The following CFAP46 variants were observed in gnomAD, a reference collection of about 807,000 sequenced individuals.
CFAP46 encodes cilia- and flagella-associated protein 46.
A neutral mutation model predicts 325.7 loss-of-function variants in CFAP46; 245 were observed. That is an observed-to-expected ratio of 0.75 (90% confidence interval 0.68 to 0.84). CFAP46 has a LOEUF of 0.84. CFAP46 is among the 40% of genes least tolerant of loss of function. The pLI, the probability that CFAP46 is intolerant of heterozygous loss-of-function variation, is 0.00. For missense variants in CFAP46, 3,346 were observed against 3,543.0 expected, an observed-to-expected ratio of 0.94 and a Z score of 1.41; for synonymous variants, 1,523 against 1,495.9, an observed-to-expected ratio of 1.02 and a Z score of -0.42.
In CFAP46 at chr10:132,898,726, G is replaced by A. The variant is rs140331562; in HGVS notation, c.3219+233C>T. The A allele has an allele frequency of 6.1e-3, 3,872 of 632,722 alleles. 11 individuals are homozygous for A. Among genetic ancestry groups the A allele is most frequent in the Middle Eastern group, 9.3e-3 (37 of 3,998 alleles). The allele number at this position is 632,722 out of a possible 1,614,324, so 39.2% of individuals were successfully genotyped here. On this transcript the variant is annotated intron_variant, in intron 24 of 57. Coordinates refer to ENST00000368586, the MANE Select transcript of CFAP46 (RefSeq NM_001200049.3). ...GTGTCTCCAGGGCTGAGAGCCCCTC[G>A]GTGCATGTGTGTTGCTGGGAGAGGT...
intron 32 of CFAP46, chr10:132,872,433 A>T (rs969823625): frequency 1.9e-4 from 90 of 468,072 alleles, no homozygotes; most frequent in Non-Finnish European, 2.3e-5. Context: ...TATTTTTTAA[A>T]TTTTTTGTAG....
At position 132,878,033 on chromosome 10, in the gene CFAP46, T is replaced by C; in HGVS notation, c.4060A>G (p.Thr1354Ala). 1 of 1,550,770 alleles carries C rather than the reference T, an allele frequency of 6.4e-7. No individual in the cohort carries two copies. The highest frequency in any genetic ancestry group is 8.7e-7 in the Non-Finnish European group (1 of 1,147,038). The change falls in exon 30 of 58, where the codon ACC (threonine) becomes GCC (alanine). Residue 1354 changes from threonine (T) to alanine (A), a missense_variant. By Grantham distance (58) the Thr-to-Ala change is moderately conservative. Coordinates refer to ENST00000368586, the MANE Select transcript of CFAP46 (RefSeq NM_001200049.3). ...SVLENRPLAA[T>A]SSHLLLPKKE... Reference sequence around the variant, plus strand: ...TTAGGCAATAACAGATGTGAGCTGGTTGCTGCCAGGGGTCTGTTTTCCAGA... The same window carrying C: ...TTAGGCAATAACAGATGTGAGCTGGCTGCTGCCAGGGGTCTGTTTTCCAGA...
Position 132,909,193 on chromosome 10 carries a change from T to C in CFAP46, c.2701A>G (p.Met901Val), listed in dbSNP as rs1849503797. The change falls in exon 21 of 58, where the codon ATG (methionine) becomes GTG (valine). Residue 901 changes from methionine to valine, a missense_variant. Transcript: ENST00000368586. Reference protein sequence around the residue: ...SVTRVLVALEMYSCNGLGLMD... With the variant: ...SVTRVLVALEVYSCNGLGLMD... The stretch of plus-strand genomic sequence containing the variant: ...AGGCCCAGCCCGTTGCATGAGTACA[T>C]TTCCAAGGCAACGAGGACTCTGGTC... 6.5e-7 allele frequency: 1 copy of C among 1,550,278 alleles called. No homozygotes were observed. The highest frequency in any genetic ancestry group is 8.7e-7 in the Non-Finnish European group (1 of 1,146,908).
intron 54 of CFAP46, among the ~76,000 whole-genome samples, chr10:132,813,932 C>A (rs553963653): frequency 2.0e-5 from 3 of 152,334 alleles, no homozygotes; most frequent in Admixed American, 2.0e-4. Flanking sequence ...CTATCAGTGA[C>A]CCTGGGGGCC....
rs1417653392 is a variant in CFAP46, at chr10:132,813,686, C to T, written c.7388+466G>A. On this transcript the variant is annotated intron_variant, in intron 54 of 57. Transcript: ENST00000368586. ...CTGCACACACCTGCCCCTGCAGCCC[C>T]GCCCCTGCACACACCTGCCCCTGCA... Among the ~76,000 whole-genome samples the T allele has an allele frequency of 1.1e-4, 15 of 132,378 alleles. 1 individual carries two copies. Among genetic ancestry groups the T allele is most frequent in the Non-Finnish European group, 1.6e-4 (10 of 60,926 alleles). The allele number at this position is 132,378 out of a possible 152,430, so 86.8% of individuals were successfully genotyped here. A position where few individuals can be genotyped will look rare whatever the true frequency, so the allele number is the denominator to read the frequency against.
intron 39 of CFAP46, 109 bp from the exon 40 acceptor site, chr10:132,851,414 T>C (rs1848542860): frequency 9.8e-7 from 1 of 1,018,632 alleles, no homozygotes; most frequent in Non-Finnish European, 1.4e-6. Context: ...CATAACAAAC[T>C]GCGCAGATCT....
chr10:132,836,969 T>C lies in CFAP46; in HGVS notation c.6439-55A>G, dbSNP rs1848261142. On this transcript the variant is annotated intron_variant, in intron 44 of 57. Transcript: ENST00000368586. ...TGCATTTAGGACGCAAGGACGTCGCTGTGCTGTTCCCCTCATTTCCAGGAG... is the reference window on the plus strand; with the variant it reads ...TGCATTTAGGACGCAAGGACGTCGCCGTGCTGTTCCCCTCATTTCCAGGAG... The C allele has an allele frequency of 2.0e-5, 26 of 1,325,094 alleles. No individual in the cohort carries two copies. The South Asian group carries it at 2.6e-4, about 13-fold the overall frequency. The allele number at this position is 1,325,094 out of a possible 1,614,324, so 82.1% of individuals were successfully genotyped here.
chr10:132,837,019 G>A, intron 44 of CFAP46, 105 bp from the exon 45 acceptor site: 1 of 885,326 alleles, frequency 1.1e-6, no homozygotes, highest in South Asian at 1.4e-5. Flanking sequence ...CCACGGCGGG[G>A]GCTTTGTACC....
intron 50 of CFAP46, among the ~76,000 whole-genome samples, chr10:132,821,939 C>A (rs565365146): frequency 1.8e-5 from 2 of 112,634 alleles, no homozygotes; most frequent in Admixed American, 1.8e-4. Context: ...CTGATGTGTG[C>A]TGTGTGTGCG....
chr10:132,942,549 G>A lies in CFAP46; in HGVS notation c.-65C>T, dbSNP rs973984615. On this transcript the variant is annotated 5_prime_UTR_variant, in exon 1 of 58. Coordinates refer to ENST00000368586, the MANE Select transcript of CFAP46 (RefSeq NM_001200049.3). The stretch of plus-strand genomic sequence containing the variant: ...CGGTGCGTCCTGCCGCCCACTGTCG[G>A]TTGGGTTCTCCAGCCGCGAGGACCC... 5.8e-5 allele frequency: 71 copies of A among 1,224,090 alleles called. No individual in the cohort carries two copies. The highest frequency in any genetic ancestry group is 6.9e-5 in the Non-Finnish European group (67 of 975,880). 75.8% of individuals were successfully genotyped at this position (1,224,090 alleles called of 1,614,324 possible).
chr10:132,886,001 C>T lies in CFAP46; in HGVS notation c.3305-42G>A. On this transcript the variant is annotated intron_variant, in intron 25 of 57. Coordinates refer to ENST00000368586, the MANE Select transcript of CFAP46 (RefSeq NM_001200049.3). This position sits in a 1 kb window ranked among gnomAD's most constrained non-coding sequence, Gnocchi z 5.8. Reference sequence around the variant, plus strand: ...GGGGTGTCCTTGGAGCCGCCTGATCCCTCATCAAAGGCGCCCTCGGACCTC... The same window carrying T: ...GGGGTGTCCTTGGAGCCGCCTGATCTCTCATCAAAGGCGCCCTCGGACCTC... 7 of 1,542,206 alleles carry T rather than the reference C, an allele frequency of 4.5e-6. No homozygotes were observed. Among genetic ancestry groups the T allele is most frequent in the Non-Finnish European group, 6.1e-6 (7 of 1,140,938 alleles).
intron 44 of CFAP46, among the ~76,000 whole-genome samples, chr10:132,839,404 G>A (rs1848315952): frequency 6.6e-6 from 1 of 152,228 alleles, no homozygotes; most frequent in Admixed American, 6.5e-5. Flanking sequence ...GAGCCTTCGT[G>A]AACCCTCGGC....
At position 132,879,410 on chromosome 10, in the gene CFAP46, C is replaced by A; in HGVS notation, c.4005+16G>T. On this transcript the variant is annotated intron_variant, in intron 29 of 57. Coordinates refer to ENST00000368586, the MANE Select transcript of CFAP46 (RefSeq NM_001200049.3). Reference sequence around the variant, plus strand: ...GGAGGTGCTGCAGGAGCAGGGGAGTCTGCGCTGGGCCTCACCTGCCAGATG... The same window carrying A: ...GGAGGTGCTGCAGGAGCAGGGGAGTATGCGCTGGGCCTCACCTGCCAGATG... The A allele has an allele frequency of 6.8e-7, 1 of 1,480,636 alleles. No homozygotes were observed. The highest frequency in any genetic ancestry group is 9.0e-7 in the Non-Finnish European group (1 of 1,110,970). The allele number at this position is 1,480,636 out of a possible 1,614,324, so 91.7% of individuals were successfully genotyped here.
chr10:132,814,660 C>G, intron 52 of CFAP46, 26 bp downstream of exon 52: 1 of 1,579,648 alleles, frequency 6.3e-7, no homozygotes, highest in Non-Finnish European at 8.6e-7. Flanking sequence ...GGGTCTGGGG[C>G]CCCCCCGGGG....
rs1303487707 is a variant in CFAP46, at chr10:132,884,205, C to T, written c.3627+898G>A. ...CCGCGAACCCTAGCAGGGCAACTGCCGAGGAACGACGTGGCCTCTGGTTCC... is the reference window on the plus strand; with the variant it reads ...CCGCGAACCCTAGCAGGGCAACTGCTGAGGAACGACGTGGCCTCTGGTTCC... On this transcript the variant is annotated intron_variant, in intron 27 of 57. Coordinates refer to ENST00000368586, the MANE Select transcript of CFAP46 (RefSeq NM_001200049.3). The surrounding 1 kb of genome is among the most constrained non-coding windows in gnomAD (Gnocchi z 5.4). 6.6e-6 allele frequency among the ~76,000 whole-genome samples: 1 copy of T among 152,128 alleles called. No homozygotes were observed. Among genetic ancestry groups the T allele is most frequent in the Non-Finnish European group, 1.5e-5 (1 of 68,028 alleles).
Position 132,869,211 on chromosome 10 carries a change from T to TC in CFAP46, c.4610+62dup, listed in dbSNP as rs1254487985. 4.1e-5 allele frequency: 57 copies of TC among 1,381,030 alleles called. 1 individual carries two copies. In the African/African-American group the frequency reaches 7.2e-4, roughly 17 times the overall value. The allele number at this position is 1,381,030 out of a possible 1,614,324, so 85.5% of individuals were successfully genotyped here. A position where few individuals can be genotyped will look rare whatever the true frequency, so the allele number is the denominator to read the frequency against. On this transcript the variant is annotated intron_variant, in intron 33 of 57. Coordinates refer to ENST00000368586, the MANE Select transcript of CFAP46 (RefSeq NM_001200049.3). The surrounding 1 kb of genome is among the most constrained non-coding windows in gnomAD (Gnocchi z 6.2). ...AAGAGGGTGGCCGCGCAGCTGGCTT[T>TC]CACCTGGCCGCACCAAGGGCGAGAC...
chr10:132,815,684 G>T (rs1163844925), intron 50 of CFAP46, among the ~76,000 whole-genome samples: 2 of 152,218 alleles, frequency 1.3e-5, no homozygotes. Context: ...GTTTTGGGAG[G>T]CCGAGGAGGG....
intron 4 of CFAP46, among the ~76,000 whole-genome samples, chr10:132,940,332 G>T (rs965819897): frequency 3.9e-5 from 6 of 152,062 alleles, no homozygotes; most frequent in Non-Finnish European, 7.4e-5. Context: ...TGTCAAGCTT[G>T]CACAAAACTG....
rs554768950 is a variant in CFAP46, at chr10:132,808,698, G to A, written c.7871C>T (p.Pro2624Leu). Residue 2624 changes from proline (P) to leucine (L), a missense_variant, in exon 58 of 58, where the codon CCG (proline) becomes CTG (leucine). Coordinates refer to ENST00000368586, the MANE Select transcript of CFAP46 (RefSeq NM_001200049.3). The surrounding 1 kb of genome is among the most constrained non-coding windows in gnomAD (Gnocchi z 6.8). ...GAGCTGGGAGCTGGGGATGGGAGCCGGGAGGTGGGGATGGGTTGGCAGAGG... is the reference window on the plus strand; with the variant it reads ...GAGCTGGGAGCTGGGGATGGGAGCCAGGAGGTGGGGATGGGTTGGCAGAGG... Reference protein sequence around the residue: ...SAPLPTHPHLPAPIPSSQLAL... With the variant: ...SAPLPTHPHLLAPIPSSQLAL... 98 of 1,569,714 alleles carry A rather than the reference G, an allele frequency of 6.2e-5. 1 individual carries two copies. The East Asian group carries it at 1.1e-3, about 18-fold the overall frequency.
Sources: allele counts gnomAD v4.1 joint callset (sites outside exome capture counted in the v4.1 genomes callset), GRCh38; gene constraint gnomAD v4.1.1; non-coding constraint Gnocchi (gnomAD v3.1); transcripts MANE v1.5; gene names NCBI Gene and HGNC (gene_info 2026-07-23, HGNC 2026-07-21).